RASAL2: variants seen among roughly 807,000 people sequenced by gnomAD.
RASAL2 encodes the protein RAS protein activator like 2.
In RASAL2, 58 loss-of-function variants were observed where a neutral mutation model predicts 128.9. That is an observed-to-expected ratio of 0.45 (90% CI 0.36 to 0.56). RASAL2 has a LOEUF of 0.56. Among genes scored for constraint, RASAL2 ranks in the 20% least tolerant of loss-of-function variants. The pLI, the probability that RASAL2 is intolerant of heterozygous loss-of-function variation, is 0.00. For synonymous variants in RASAL2, 561 were observed against 580.8 expected (o/e 0.97, Z 0.49); for missense variants, 1,360 against 1,601.6 (o/e 0.85, Z 2.57).
At chr1:178,323,430 C>T (rs754891028) in intron 3 of RASAL2, among the ~76,000 whole-genome samples, 56 of 152,132 alleles carry the variant, frequency 3.7e-4, no homozygotes, top group Middle Eastern at 3.4e-3. Flanking sequence ...GAAGGGAAAA[C>T]CATACCCACT....
intron 3 of RASAL2, among the ~76,000 whole-genome samples, chr1:178,381,714 G>A (rs1672297129): frequency 6.6e-6 from 1 of 151,696 alleles, no homozygotes; most frequent in Non-Finnish European, 1.5e-5. Context: ...ATGATGGTAT[G>A]AATAAATCTA....
intron 1 of RASAL2, among the ~76,000 whole-genome samples, chr1:178,213,118 C>T (rs1283376225): frequency 6.6e-6 from 1 of 151,504 alleles, no homozygotes; most frequent in Non-Finnish European, 1.5e-5. Flanking sequence ...TCACCACAAC[C>T]TTGACCTCCC....
intron 3 of RASAL2, among the ~76,000 whole-genome samples, chr1:178,342,016 CAACAAGATATT>C (rs942669270): frequency 1.3e-5 from 2 of 152,156 alleles, no homozygotes; most frequent in African/African-American, 4.8e-5. Context: ...TATTGACCAT[CAACAAGATATT>C]AACAGCCTTG....
chr1:178,345,961 T>G (rs184904808), intron 3 of RASAL2, among the ~76,000 whole-genome samples: 3 of 152,320 alleles, frequency 2.0e-5, no homozygotes, highest in African/African-American at 7.2e-5. Context: ...TATGGGAAAC[T>G]AATCCCTCAA....
At position 178,094,471 on chromosome 1, in the gene RASAL2, C is replaced by T. The variant is rs1054794645; in HGVS notation, c.-22C>T. 10 of 1,531,662 alleles carry T rather than the reference C, an allele frequency of 6.5e-6. No individual in the cohort carries two copies. Among genetic ancestry groups the T allele is most frequent in the African/African-American group, 1.4e-5 (1 of 72,432 alleles). The allele number at this position is 1,531,662 out of a possible 1,614,324, so 94.9% of individuals were successfully genotyped here. Reference sequence around the variant, plus strand: ...GCCCGCCCCGAAGCCGCCGCCTCGTCCCCCTCCCGCCTCGGGGCACCATGG... The same window carrying T: ...GCCCGCCCCGAAGCCGCCGCCTCGTTCCCCTCCCGCCTCGGGGCACCATGG... On this transcript the variant is annotated 5_prime_UTR_variant, in exon 1 of 18. Transcript: ENST00000367649.
intron 14 of RASAL2, among the ~76,000 whole-genome samples, chr1:178,459,180 A>G (rs1403839900): frequency 6.6e-6 from 1 of 152,192 alleles, no homozygotes; most frequent in Non-Finnish European, 1.5e-5. Flanking sequence ...AGCCCAGCTA[A>G]CATCACATCC....
intron 3 of RASAL2, among the ~76,000 whole-genome samples, chr1:178,345,269 G>A (rs1039523241): frequency 5.9e-5 from 9 of 152,110 alleles, no homozygotes; most frequent in Non-Finnish European, 1.3e-4. Context: ...AGTAGTTTAG[G>A]TTTGTGCAGC....
At chr1:178,415,323 A>C (rs1274819650) in intron 4 of RASAL2, among the ~76,000 whole-genome samples, 1 of 151,888 alleles carries the variant, frequency 6.6e-6, no homozygotes, top group Admixed American at 6.6e-5. Context: ...TTCTTCTTTG[A>C]TCCATGTGTT....
chr1:178,302,376 CA>C (rs1020189126), intron 3 of RASAL2, among the ~76,000 whole-genome samples: 18 of 151,402 alleles, frequency 1.2e-4, no homozygotes, highest in South Asian at 6.3e-4. Flanking sequence ...AAACAGGAAA[CA>C]AAAAAAATTA....
chr1:178,440,229 G>A (rs558121849), intron 6 of RASAL2, among the ~76,000 whole-genome samples: 4 of 151,548 alleles, frequency 2.6e-5, no homozygotes, highest in South Asian at 2.1e-4. Flanking sequence ...GAATTATTAG[G>A]GCTGAGATTT....
chr1:178,189,415 C>G (rs891308794), intron 1 of RASAL2, among the ~76,000 whole-genome samples: 1 of 152,100 alleles, frequency 6.6e-6, no homozygotes, highest in Admixed American at 6.5e-5. Flanking sequence ...CAAAGTAAAC[C>G]AGAGAATTCA....
chr1:178,276,709 T>C (rs1268442687), intron 1 of RASAL2, among the ~76,000 whole-genome samples: 4 of 151,976 alleles, frequency 2.6e-5, no homozygotes, highest in African/African-American at 9.7e-5. Flanking sequence ...AAGAATCATC[T>C]CCACGTAACA....
rs1190944005 is a variant in RASAL2, at chr1:178,465,986, G to A, written c.3454G>A (p.Glu1152Lys). 6.4e-7 allele frequency: 1 copy of A among 1,558,746 alleles called. No individual in the cohort carries two copies. Among genetic ancestry groups the A allele is most frequent in the Non-Finnish European group, 8.7e-7 (1 of 1,150,342 alleles). Reference protein sequence around the residue: ...RVSSRRLEEYERRLLVQEQQM... With the variant: ...RVSSRRLEEYKRRLLVQEQQM... ...TTCCAGCCGGCGACTGGAGGAATAT[G>A]AACGCCGCTTGCTGGTGCAGGAGCA... The change falls in exon 16 of 18, where the codon GAA becomes AAA. Residue 1152 changes from glutamate (E) to lysine (K), a missense_variant. Glu to Lys is a moderately conservative substitution (Grantham distance 56). Around this residue, in one of 3 missense-constraint regions of RASAL2, gnomAD observed 741 missense variants for 868.6 expected, o/e 0.85. Coordinates refer to ENST00000367649, the MANE Select transcript of RASAL2 (RefSeq NM_170692.4).
intron 1 of RASAL2, among the ~76,000 whole-genome samples, chr1:178,121,973 C>G (rs1659734289): frequency 6.6e-6 from 1 of 152,032 alleles, no homozygotes; most frequent in Non-Finnish European, 1.5e-5. Context: ...TAACTGTTTT[C>G]TGGTTTTTTT....
intron 1 of RASAL2, among the ~76,000 whole-genome samples, chr1:178,187,427 A>G (rs1207206634): frequency 1.3e-5 from 2 of 152,148 alleles, no homozygotes; most frequent in Non-Finnish European, 2.9e-5. Context: ...AGCACATTGA[A>G]TATGTTTATA....
intron 3 of RASAL2, among the ~76,000 whole-genome samples, chr1:178,351,661 A>G (rs368210658): frequency 6.6e-6 from 1 of 151,472 alleles, no homozygotes; most frequent in Non-Finnish European, 1.5e-5. Flanking sequence ...CCCGTGAGGC[A>G]GAGCTTGCAG....
Position 178,439,587 on chromosome 1 carries a change from G to C in RASAL2, c.828+12G>C. On this transcript the variant is annotated intron_variant, in intron 6 of 17. Coordinates refer to ENST00000367649, the MANE Select transcript of RASAL2 (RefSeq NM_170692.4). ...ACTTCTGCTTTGAGGTAAAAATAAA[G>C]TGTAGAAAAAAGGAAGAGTAGTTAA... 6.2e-7 allele frequency: 1 copy of C among 1,602,966 alleles called. No homozygotes were observed. The highest frequency in any genetic ancestry group is 8.5e-7 in the Non-Finnish European group (1 of 1,176,130).
At chr1:178,460,102 A>T (rs571111781) in intron 14 of RASAL2, among the ~76,000 whole-genome samples, 1 of 152,314 alleles carries the variant, frequency 6.6e-6, no homozygotes, top group East Asian at 1.9e-4. Context: ...GAAAAAATAC[A>T]TAATTTTAGA....
At chr1:178,124,563 C>T (rs144645655) in intron 1 of RASAL2, among the ~76,000 whole-genome samples, 6 of 152,234 alleles carry the variant, frequency 3.9e-5, no homozygotes, top group East Asian at 1.9e-4. Flanking sequence ...TTTTTATAAA[C>T]GAGTAGCTTA....
Sources: gnomAD v4.1 joint callset for allele counts (sites outside exome capture counted in the v4.1 genomes callset) on GRCh38, gnomAD v4.1.1 for gene constraint, gnomAD v4.1.1 regional missense constraint, MANE v1.5 for transcripts, NCBI Gene and HGNC (gene_info 2026-07-23, HGNC 2026-07-21) for gene names.